Variants in LSM11 observed in about 807,000 individuals in gnomAD.
LSM11 encodes the protein U7 snRNA-associated Sm-like protein LSm11.
LSM11 carries 14 observed loss-of-function variants against 28.1 expected under a neutral mutation model. The observed-to-expected ratio is 0.50, with a 90% CI of 0.33 to 0.78. The LOEUF (loss-of-function observed/expected upper bound fraction) is 0.78. Ranked by LOEUF, LSM11 falls within the 30% of genes least tolerant of loss-of-function variation. The pLI is 0.02. For missense variants in LSM11, 495 were observed against 510.6 expected (o/e 0.97, Z 0.30); for synonymous variants, 207 against 214.2 (o/e 0.97, Z 0.30).
Position 157,751,504 on chromosome 5 carries a change from T to C in LSM11, c.563T>C (p.Val188Ala). ...CGGGGCGTCTGTACAGGCTTCCTTG[T>C]TGCATTCGACAAGTTCTGGAATATG... ...GLRGVCTGFL[V>A]AFDKFWNMAL... Residue 188 changes from valine (V) to alanine (A), a missense_variant, in exon 2 of 4, where the codon GTT becomes GCT. Physicochemically the swap from Val to Ala is moderately conservative, Grantham distance 64 (BLOSUM62 0). Coordinates refer to ENST00000286307, the MANE Select transcript of LSM11 (RefSeq NM_173491.4). The C allele has an allele frequency of 6.2e-7, 1 of 1,612,470 alleles. No homozygotes were observed.
intron 1 of LSM11, among the ~76,000 whole-genome samples, chr5:157,751,145 C>T (rs886158167): frequency 3.3e-5 from 5 of 152,076 alleles, no homozygotes; most frequent in African/African-American, 7.2e-5. Flanking sequence ...AGAGATATAC[C>T]GGTAGTGAAA....
chr5:157,753,269 A>C (rs1161730458), intron 2 of LSM11, among the ~76,000 whole-genome samples: 1 of 152,236 alleles, frequency 6.6e-6, no homozygotes, highest in African/African-American at 2.4e-5. Flanking sequence ...TCTGAGCCTC[A>C]GTTTTCTCAT....
At chr5:157,754,692 C>CA (rs34644413) in intron 3 of LSM11, among the ~76,000 whole-genome samples, 162 bp from the exon 4 acceptor site, 273 of 90,098 alleles carry the variant, frequency 3.0e-3, no homozygotes, top group East Asian at 6.6e-3. Context: ...ACTCCGTCTC[C>CA]AAAAAAAAAA....
chr5:157,755,310 T>G lies in LSM11; in HGVS notation c.*46T>G. On this transcript the variant is annotated 3_prime_UTR_variant, in exon 4 of 4. Coordinates refer to ENST00000286307, the MANE Select transcript of LSM11 (RefSeq NM_173491.4). ...GTTTTTAGAAATAAAGTGCATGAATTGCTGCTATGCTGTATCCTAGTATCC... is the reference window on the plus strand; with the variant it reads ...GTTTTTAGAAATAAAGTGCATGAATGGCTGCTATGCTGTATCCTAGTATCC... The G allele has an allele frequency of 6.4e-7, 1 of 1,555,652 alleles. No homozygotes were observed. The highest frequency in any genetic ancestry group is 8.8e-7 in the Non-Finnish European group (1 of 1,142,140).
In LSM11 at chr5:157,755,479, T is replaced by A. The variant is rs1226461423; in HGVS notation, c.*215T>A. Reference sequence around the variant, plus strand: ...TGCATTAATATCAAGGCAAAAAGCATTCATAGATACATGCATCTGATTTGG... The same window carrying A: ...TGCATTAATATCAAGGCAAAAAGCAATCATAGATACATGCATCTGATTTGG... On this transcript the variant is annotated 3_prime_UTR_variant, in exon 4 of 4. Coordinates refer to ENST00000286307, the MANE Select transcript of LSM11 (RefSeq NM_173491.4). 1 of 580,818 alleles carries A rather than the reference T, an allele frequency of 1.7e-6. No individual in the cohort carries two copies. Among genetic ancestry groups the A allele is most frequent in the Non-Finnish European group, 3.0e-6 (1 of 330,322 alleles). The allele number at this position is 580,818 out of a possible 1,614,324, so 36.0% of individuals were successfully genotyped here.
Position 157,743,859 on chromosome 5 carries a change from C to A in LSM11, c.109C>A (p.Leu37Met). 6.4e-7 allele frequency: 1 copy of A among 1,560,302 alleles called. No homozygotes were observed. The highest frequency in any genetic ancestry group is 8.7e-7 in the Non-Finnish European group (1 of 1,155,944). ...TGACAGCTTCGACCCGCTGCTGGCC[C>A]TGTACGCGCCCCGCCTGCCTCCCAT... Reference protein sequence around the residue: ...SSDSFDPLLALYAPRLPPIPY... With the variant: ...SSDSFDPLLAMYAPRLPPIPY... The change falls in exon 1 of 4, where the codon CTG becomes ATG. Residue 37 changes from leucine to methionine, a missense_variant. Physicochemically the swap from Leu to Met is conservative, Grantham distance 15 (BLOSUM62 2). Coordinates refer to ENST00000286307, the MANE Select transcript of LSM11 (RefSeq NM_173491.4).
At chr5:157,748,701 T>C (rs1761180888) in intron 1 of LSM11, among the ~76,000 whole-genome samples, 1 of 152,194 alleles carries the variant, frequency 6.6e-6, no homozygotes. Flanking sequence ...CAAGAGTTAC[T>C]GTAAGAGGCA....
rs188516126 is a variant in LSM11, at chr5:157,746,264, A to G, written c.448+2066A>G. On this transcript the variant is annotated intron_variant, in intron 1 of 3. Transcript: ENST00000286307. ...GCTTTCTGGAAAAAAATGCCTATGC[A>G]TTTGAGAATGCATAATCCTTTGCAA... 7.7e-4 allele frequency among the ~76,000 whole-genome samples: 118 copies of G among 152,360 alleles called. 1 individual carries two copies. In the Middle Eastern group the frequency reaches 0.017, roughly 22 times the overall value.
At chr5:157,754,692 C>CAAAA (rs34644413) in intron 3 of LSM11, among the ~76,000 whole-genome samples, 162 bp from the exon 4 acceptor site, 2 of 90,286 alleles carry the variant, frequency 2.2e-5, no homozygotes, top group East Asian at 3.1e-4. Flanking sequence ...ACTCCGTCTC[C>CAAAA]AAAAAAAAAA....
chr5:157,751,294 G>A, intron 1 of LSM11, 96 bp from the exon 2 acceptor site: 2 of 1,365,520 alleles, frequency 1.5e-6, no homozygotes, highest in East Asian at 4.9e-5. Flanking sequence ...TCTACCATGG[G>A]CCACATGTTG....
chr5:157,755,136 C>T lies in LSM11; in HGVS notation c.955C>T (p.Leu319Phe). The T allele has an allele frequency of 6.2e-7, 1 of 1,614,230 alleles. No individual in the cohort carries two copies. The highest frequency in any genetic ancestry group is 8.5e-7 in the Non-Finnish European group (1 of 1,180,046). Reference protein sequence around the residue: ...VGGTFSRATTLSRGQSRKKKR... With the variant: ...VGGTFSRATTFSRGQSRKKKR... ...AGGTACCTTTTCCAGGGCTACCACC[C>T]TTTCCAGAGGCCAGTCCCGTAAGAA... Residue 319 changes from leucine to phenylalanine, a missense_variant, in exon 4 of 4, where the codon CTT becomes TTT. Coordinates refer to ENST00000286307, the MANE Select transcript of LSM11 (RefSeq NM_173491.4).
intron 2 of LSM11, among the ~76,000 whole-genome samples, chr5:157,751,757 C>G (rs1432212281): frequency 2.0e-5 from 3 of 152,168 alleles, no homozygotes; most frequent in Non-Finnish European, 4.4e-5. Flanking sequence ...CCTTCACTCC[C>G]AGGAACATTC....
Position 157,744,114 on chromosome 5 carries a change from GA to G in LSM11, c.366del (p.Asp124ThrfsTer44). ...RLRRLMVAKEEGDGAAGAGRR... is the reference protein window; with the variant it reads ...RLRRLMVAKEXGDGAAGAGRR... ...CCGCCGTCTCATGGTGGCCAAAGAGGAAGGGGACGGGGCCGCAGGAGCGGGC... is the reference window on the plus strand; with the variant it reads ...CCGCCGTCTCATGGTGGCCAAAGAGGAGGGGACGGGGCCGCAGGAGCGGGC... On this transcript the variant is annotated frameshift_variant, in exon 1 of 4. Transcript: ENST00000286307. LOFTEE classifies it high-confidence loss of function. The G allele has an allele frequency of 6.7e-7, 1 of 1,485,732 alleles. No homozygotes were observed. The highest frequency in any genetic ancestry group is 1.3e-5 in the South Asian group (1 of 78,616). 92.0% of individuals were successfully genotyped at this position (1,485,732 alleles called of 1,614,324 possible).
chr5:157,752,249 C>T (rs1761243963), intron 2 of LSM11, among the ~76,000 whole-genome samples: 1 of 151,676 alleles, frequency 6.6e-6, no homozygotes, highest in African/African-American at 2.4e-5. Context: ...GCAACCTCCG[C>T]CTCCTGAGTA....
At position 157,745,512 on chromosome 5, in the gene LSM11, G is replaced by C. The variant is rs77991712; in HGVS notation, c.448+1314G>C. Among the ~76,000 whole-genome samples the C allele has an allele frequency of 8.2e-3, 1,251 of 152,238 alleles. 23 individuals carry two copies. The highest frequency in any genetic ancestry group is 0.029 in the African/African-American group (1,203 of 41,540). Reference sequence around the variant, plus strand: ...GGACCTTAATTTGCCTATGCAATTTGCCACCATTAGGTAGTTGAAATGCAC... The same window carrying C: ...GGACCTTAATTTGCCTATGCAATTTCCCACCATTAGGTAGTTGAAATGCAC... On this transcript the variant is annotated intron_variant, in intron 1 of 3. Coordinates refer to ENST00000286307, the MANE Select transcript of LSM11 (RefSeq NM_173491.4).
chr5:157,755,412 G>A lies in LSM11; in HGVS notation c.*148G>A, dbSNP rs1367703585. 1.0e-5 allele frequency: 9 copies of A among 882,246 alleles called. No homozygotes were observed. The highest frequency in any genetic ancestry group is 1.8e-5 in the South Asian group (1 of 56,148). 54.7% of individuals were successfully genotyped at this position (882,246 alleles called of 1,614,324 possible). On this transcript the variant is annotated 3_prime_UTR_variant, in exon 4 of 4. Transcript: ENST00000286307. ...ACGGAGCAGGCTCAGCCCCCTGGAA[G>A]ATGAGCTCAAGGGGAGGACAGGCCT...
In LSM11 at chr5:157,756,150, AC is replaced by A. The variant is rs1761323817; in HGVS notation, c.*887del. On this transcript the variant is annotated 3_prime_UTR_variant, in exon 4 of 4. Coordinates refer to ENST00000286307, the MANE Select transcript of LSM11 (RefSeq NM_173491.4). Reference sequence around the variant, plus strand: ...AAGAGTTGTGCATGAACTCGGTAATACACATCACACGGCTGAGAGTCCCCTT... The same window carrying A: ...AAGAGTTGTGCATGAACTCGGTAATAACATCACACGGCTGAGAGTCCCCTT... 6.4e-6 allele frequency: 1 copy of A among 155,354 alleles called. No homozygotes were observed. The highest frequency in any genetic ancestry group is 1.4e-5 in the Non-Finnish European group (1 of 70,018). 9.6% of individuals were successfully genotyped at this position (155,354 alleles called of 1,614,324 possible). A position where few individuals can be genotyped will look rare whatever the true frequency, so the allele number is the denominator to read the frequency against.
rs931998974 is a variant in LSM11, at chr5:157,759,646, C to T, written c.*4382C>T. ...TGGTTTCACAGCTGTTTGAATTTTT[C>T]TTTTCCTGTGCCAGATATAGAATGC... On this transcript the variant is annotated 3_prime_UTR_variant, in exon 4 of 4. Coordinates refer to ENST00000286307, the MANE Select transcript of LSM11 (RefSeq NM_173491.4). 2 of 152,114 alleles carry T rather than the reference C, an allele frequency of 1.3e-5. No individual in the cohort carries two copies. The highest frequency in any genetic ancestry group is 2.9e-5 in the Non-Finnish European group (2 of 68,008). 9.4% of individuals were successfully genotyped at this position (152,114 alleles called of 1,614,324 possible). A position where few individuals can be genotyped will look rare whatever the true frequency, so the allele number is the denominator to read the frequency against.
chr5:157,752,451 G>C (rs1454566030), intron 2 of LSM11, among the ~76,000 whole-genome samples: 2 of 151,866 alleles, frequency 1.3e-5, no homozygotes, highest in African/African-American at 4.8e-5. Context: ...TTATAATGAG[G>C]GAGTGTGCCA....
Sources: allele counts gnomAD v4.1 joint callset (sites outside exome capture counted in the v4.1 genomes callset), GRCh38; gene constraint gnomAD v4.1.1; transcripts MANE v1.5; gene names NCBI Gene and HGNC (gene_info 2026-07-23, HGNC 2026-07-21).